SEMA3E: variants seen among roughly 807,000 people sequenced by gnomAD.
SEMA3E encodes semaphorin-3E.
In SEMA3E, 49 loss-of-function variants were observed where a neutral mutation model predicts 93.6. That is an observed-to-expected ratio of 0.52 (90% confidence interval 0.42 to 0.66). SEMA3E has a LOEUF of 0.66. SEMA3E is among the 30% of genes least tolerant of loss of function. SEMA3E has a pLI of 0.00. For missense variants in SEMA3E, 906 were observed against 964.8 expected, an observed-to-expected ratio of 0.94 and a Z score of 0.81; for synonymous variants, 363 against 330.7, an observed-to-expected ratio of 1.10 and a Z score of -1.06.
intron 11 of SEMA3E, 44 bp downstream of exon 11, chr7:83,399,984 A>T: frequency 7.2e-7 from 1 of 1,398,268 alleles, no homozygotes; most frequent in Non-Finnish European, 1.0e-6. Flanking sequence ...TATTGAATTT[A>T]AGGGTCAATT....
intron 1 of SEMA3E, among the ~76,000 whole-genome samples, chr7:83,512,621 TAAAAA>T (rs1387121883): frequency 6.6e-6 from 1 of 152,162 alleles, no homozygotes; most frequent in Non-Finnish European, 1.5e-5. Flanking sequence ...AATTTGCACT[TAAAAA>T]GAAAGCCTAA....
chr7:83,599,036 C>A (rs2115973765), intron 1 of SEMA3E, among the ~76,000 whole-genome samples: 1 of 152,192 alleles, frequency 6.6e-6, no homozygotes, highest in South Asian at 2.1e-4. Context: ...TTAAACTTAT[C>A]TTTTGTCATA....
At chr7:83,460,803 G>A (rs1296673198) in intron 4 of SEMA3E, among the ~76,000 whole-genome samples, 2 of 135,228 alleles carry the variant, frequency 1.5e-5, no homozygotes, top group Admixed American at 7.9e-5. Context: ...TCCGCACCCC[G>A]ACCTCTTATC....
intron 7 of SEMA3E, 134 bp downstream of exon 7, chr7:83,406,963 G>A: frequency 1.0e-6 from 1 of 1,004,424 alleles, no homozygotes; most frequent in South Asian, 1.4e-5. Flanking sequence ...GTAGAGGTTG[G>A]TATAGTAAAT....
intron 5 of SEMA3E, among the ~76,000 whole-genome samples, chr7:83,410,448 T>C (rs1377585990): frequency 6.6e-6 from 1 of 152,066 alleles, no homozygotes. Context: ...TATTTAAATC[T>C]GGACTTAACA....
At chr7:83,408,754 T>C (rs751808518) in intron 5 of SEMA3E, among the ~76,000 whole-genome samples, 2 of 152,146 alleles carry the variant, frequency 1.3e-5, no homozygotes, top group South Asian at 2.1e-4. Flanking sequence ...TTCAGTAAGA[T>C]AGTTAAGAGC....
chr7:83,369,734 T>A (rs1207272754), intron 16 of SEMA3E, among the ~76,000 whole-genome samples: 1 of 152,198 alleles, frequency 6.6e-6, no homozygotes, highest in Admixed American at 6.5e-5. Context: ...TCTCAGAATA[T>A]CCTTAGCAAC....
chr7:83,645,219 T>A (rs532227126), intron 1 of SEMA3E, among the ~76,000 whole-genome samples: 2 of 152,152 alleles, frequency 1.3e-5, no homozygotes, highest in South Asian at 4.1e-4. Flanking sequence ...CTTCATTCTC[T>A]CTTTCCTTGG....
intron 1 of SEMA3E, among the ~76,000 whole-genome samples, chr7:83,536,261 G>T (rs1342326065): frequency 6.6e-6 from 1 of 151,956 alleles, no homozygotes; most frequent in Non-Finnish European, 1.5e-5. Flanking sequence ...CGTTTAAAGG[G>T]TTGAACATGC....
chr7:83,551,017 A>G (rs1791753706), intron 1 of SEMA3E, among the ~76,000 whole-genome samples: 1 of 152,134 alleles, frequency 6.6e-6, no homozygotes, highest in Non-Finnish European at 1.5e-5. Flanking sequence ...AAAAATTAAA[A>G]ATCAAAGTAC....
At chr7:83,569,063 A>C (rs988350263) in intron 1 of SEMA3E, among the ~76,000 whole-genome samples, 1 of 152,114 alleles carries the variant, frequency 6.6e-6, no homozygotes, top group African/African-American at 2.4e-5. Flanking sequence ...AACTATTATT[A>C]AAGTAGTAGC....
chr7:83,392,377 A>G (rs547687506), intron 14 of SEMA3E, among the ~76,000 whole-genome samples, 178 bp downstream of exon 14: 1 of 152,112 alleles, frequency 6.6e-6, no homozygotes, highest in African/African-American at 2.4e-5. Context: ...CAAAAGAGGG[A>G]AAAACTGACT....
intron 11 of SEMA3E, among the ~76,000 whole-genome samples, chr7:83,398,355 G>A (rs1788165556): frequency 6.6e-6 from 1 of 151,974 alleles, no homozygotes; most frequent in African/African-American, 2.4e-5. Flanking sequence ...TAAAGTAACA[G>A]AAAAAAACCG....
intron 1 of SEMA3E, among the ~76,000 whole-genome samples, chr7:83,639,120 A>AC (rs1182219163): frequency 7.2e-5 from 9 of 125,156 alleles, no homozygotes; most frequent in African/African-American, 2.5e-4. Context: ...CAAAAAAAAA[A>AC]AAAAAAAAAA....
At chr7:83,567,315 C>T (rs1170231474) in intron 1 of SEMA3E, among the ~76,000 whole-genome samples, 1 of 152,092 alleles carries the variant, frequency 6.6e-6, no homozygotes, top group African/African-American at 2.4e-5. Flanking sequence ...ACTTTGGGGA[C>T]TTCAACACCT....
rs570028225 is a variant in SEMA3E, at chr7:83,403,703, A to G, written c.999-927T>C. On this transcript the variant is annotated intron_variant, in intron 9 of 16. Coordinates refer to ENST00000643230, the MANE Select transcript of SEMA3E (RefSeq NM_012431.3). ...TAAATAAAGTTTCCTACATCCTGAGACACCTGTAAAACAGCAGTTATGTTA... is the reference window on the plus strand; with the variant it reads ...TAAATAAAGTTTCCTACATCCTGAGGCACCTGTAAAACAGCAGTTATGTTA... Among the ~76,000 whole-genome samples the G allele has an allele frequency of 2.5e-4, 38 of 152,052 alleles. No homozygotes were observed. In the South Asian group the frequency reaches 7.9e-3, roughly 31 times the overall value.
intron 1 of SEMA3E, among the ~76,000 whole-genome samples, chr7:83,602,295 A>G (rs1421746956): frequency 6.6e-6 from 1 of 152,206 alleles, no homozygotes; most frequent in Non-Finnish European, 1.5e-5. Flanking sequence ...ATTCTCTGTC[A>G]GTTTGAAAGT....
At chr7:83,450,589 A>T (rs891394491) in intron 4 of SEMA3E, among the ~76,000 whole-genome samples, 5 of 152,060 alleles carry the variant, frequency 3.3e-5, no homozygotes, top group African/African-American at 1.2e-4. Context: ...AATAGTGTTT[A>T]TTTTGGGGGT....
At chr7:83,632,663 G>A (rs961461864) in intron 1 of SEMA3E, among the ~76,000 whole-genome samples, 5 of 152,148 alleles carry the variant, frequency 3.3e-5, no homozygotes, top group Non-Finnish European at 7.3e-5. Context: ...TCTCAGGTAT[G>A]AGTTTATCAG....
Sources: allele counts gnomAD v4.1 joint callset (sites outside exome capture counted in the v4.1 genomes callset), GRCh38; gene constraint gnomAD v4.1.1; transcripts MANE v1.5; gene names NCBI Gene and HGNC (gene_info 2026-07-23, HGNC 2026-07-21).